The following MRPS28 variants were observed in gnomAD, a reference collection of about 807,000 sequenced individuals.
MRPS28 encodes small ribosomal subunit protein bS1m.
Under a neutral mutation model 10.8 loss-of-function variants are expected in MRPS28, and 7 were observed. The observed-to-expected ratio is 0.65, with a 90% CI of 0.37 to 1.22. The LOEUF is 1.22. Among genes scored for constraint, MRPS28 ranks in the 50% most tolerant of loss-of-function variants. The pLI, the probability that MRPS28 is intolerant of heterozygous loss-of-function variation, is 0.02. For missense variants in MRPS28, 265 were observed against 232.9 expected, an observed-to-expected ratio of 1.14 and a Z score of -0.90; for synonymous variants, 121 against 93.3, an observed-to-expected ratio of 1.30 and a Z score of -1.71.
At chr8:79,998,526 T>C (rs540222871) in intron 2 of MRPS28, among the ~76,000 whole-genome samples, 8 of 152,338 alleles carry the variant, frequency 5.3e-5, no homozygotes, top group African/African-American at 1.9e-4. Context: ...GTCATGTCTT[T>C]CTAAAATTAG....
chr8:79,930,266 C>G (rs1806428077), intron 2 of MRPS28, among the ~76,000 whole-genome samples: 1 of 152,122 alleles, frequency 6.6e-6, no homozygotes, highest in Non-Finnish European at 1.5e-5. Context: ...AATCACTTCC[C>G]TAGGTAGGCA....
At chr8:79,964,199 G>A (rs927212157) in intron 2 of MRPS28, among the ~76,000 whole-genome samples, 2 of 152,046 alleles carry the variant, frequency 1.3e-5, no homozygotes, top group African/African-American at 4.8e-5. Context: ...ATCCAGGTCT[G>A]GAGTCTGAAG....
intron 2 of MRPS28, among the ~76,000 whole-genome samples, chr8:79,997,843 C>T (rs747486709): frequency 2.0e-5 from 3 of 151,932 alleles, no homozygotes; most frequent in South Asian, 4.1e-4. Context: ...TCACTTGACG[C>T]CAGGAGTTCA....
chr8:79,921,822 G>A (rs1400447398), intron 2 of MRPS28, among the ~76,000 whole-genome samples: 2 of 152,130 alleles, frequency 1.3e-5, no homozygotes. Flanking sequence ...ACACTATGTT[G>A]AAAAGGAGTG....
intron 2 of MRPS28, among the ~76,000 whole-genome samples, chr8:79,929,832 T>G (rs1806409938): frequency 6.6e-6 from 1 of 152,102 alleles, no homozygotes; most frequent in African/African-American, 2.4e-5. Context: ...TTAGATGACT[T>G]TCAAGATCCT....
intron 2 of MRPS28, among the ~76,000 whole-genome samples, chr8:79,954,495 C>G (rs1424415264): frequency 1.3e-5 from 2 of 152,064 alleles, no homozygotes; most frequent in Non-Finnish European, 2.9e-5. Context: ...AGAAAGATAC[C>G]CTGGGGCTTT....
intron 1 of MRPS28, among the ~76,000 whole-genome samples, chr8:80,025,830 A>G (rs1809481617): frequency 6.6e-6 from 1 of 152,234 alleles, no homozygotes; most frequent in South Asian, 2.1e-4. Context: ...ACCAGGATTT[A>G]AACCAAGATT....
At chr8:79,975,667 T>A (rs1313553973) in intron 2 of MRPS28, among the ~76,000 whole-genome samples, 1 of 152,070 alleles carries the variant, frequency 6.6e-6, no homozygotes, top group Non-Finnish European at 1.5e-5. Flanking sequence ...AAAGTGCAAA[T>A]TAAATCAATA....
intron 1 of MRPS28, among the ~76,000 whole-genome samples, chr8:80,007,679 C>T (rs1317475931): frequency 6.6e-6 from 1 of 152,098 alleles, no homozygotes; most frequent in African/African-American, 2.4e-5. Flanking sequence ...ACAATTGCTT[C>T]AAAGAGAATA....
At chr8:80,025,224 A>C (rs73691133) in intron 1 of MRPS28, among the ~76,000 whole-genome samples, 2,165 of 152,330 alleles carry the variant, frequency 0.014, 55 homozygotes, top group African/African-American at 0.049. Context: ...TTATGATAAA[A>C]ATCAAAAACT....
chr8:80,028,607 G>C, intron 1 of MRPS28: 2 of 136,378 alleles, frequency 1.5e-5, no homozygotes, highest in Non-Finnish European at 3.1e-5. Flanking sequence ...ATTATCTAGG[G>C]AGGCCAATGT....
intron 2 of MRPS28, among the ~76,000 whole-genome samples, chr8:79,946,067 G>A (rs56817328): frequency 0.046 from 6,974 of 152,150 alleles, 537 homozygotes; most frequent in African/African-American, 0.16. Context: ...GCTTATGCAA[G>A]GTCCTTAAGA....
intron 2 of MRPS28, among the ~76,000 whole-genome samples, chr8:79,971,071 A>C (rs1201483776): frequency 6.6e-6 from 1 of 152,250 alleles, no homozygotes; most frequent in Admixed American, 6.5e-5. Context: ...CTACCAAATC[A>C]GCATGCCAGC....
chr8:80,003,029 C>A lies in MRPS28; in HGVS notation c.365G>T (p.Cys122Phe), dbSNP rs781299405. 6.2e-7 allele frequency: 1 copy of A among 1,603,278 alleles called. No individual in the cohort carries two copies. Among genetic ancestry groups the A allele is most frequent in the East Asian group, 2.2e-5 (1 of 44,720 alleles). The change falls in exon 2 of 3, where the codon TGT (cysteine) becomes TTT (phenylalanine). Residue 122 changes from cysteine to phenylalanine, a missense_variant. Coordinates refer to ENST00000276585, the MANE Select transcript of MRPS28 (RefSeq NM_014018.3). Reference protein sequence around the residue: ...LYIDFGGKFHCVCRRPEVDGE... With the variant: ...LYIDFGGKFHFVCRRPEVDGE... ...ATCCACTTCTGGTCTTCTACATACACAATGAAACTTTCCACCAAAATCTAT... is the reference window on the plus strand; with the variant it reads ...ATCCACTTCTGGTCTTCTACATACAAAATGAAACTTTCCACCAAAATCTAT...
intron 1 of MRPS28, among the ~76,000 whole-genome samples, chr8:80,007,277 T>C (rs1808879139): frequency 6.6e-6 from 1 of 152,128 alleles, no homozygotes; most frequent in African/African-American, 2.4e-5. Context: ...TATCTCAAAA[T>C]AATAAGAGCT....
intron 2 of MRPS28, among the ~76,000 whole-genome samples, chr8:80,000,760 C>G (rs906943398): frequency 2.0e-5 from 3 of 152,100 alleles, no homozygotes; most frequent in African/African-American, 7.2e-5. Context: ...CATGGTGGTA[C>G]ATGTCTGTAA....
intron 2 of MRPS28, among the ~76,000 whole-genome samples, chr8:79,998,888 G>A (rs1369271282): frequency 6.6e-6 from 1 of 152,084 alleles, no homozygotes; most frequent in African/African-American, 2.4e-5. Context: ...AGTCTGAAAT[G>A]CCAAACTTAC....
chr8:79,982,278 G>A (rs1050373437), intron 2 of MRPS28, among the ~76,000 whole-genome samples: 6 of 152,182 alleles, frequency 3.9e-5, no homozygotes, highest in African/African-American at 1.2e-4. Flanking sequence ...GAAAGAGATG[G>A]TGGAGCCAAG....
At chr8:79,919,350 GAAA>G (rs11350200) in intron 2 of MRPS28, among the ~76,000 whole-genome samples, 6 of 142,708 alleles carry the variant, frequency 4.2e-5, no homozygotes, top group Non-Finnish European at 7.6e-5. Context: ...TTTTTGTTTT[GAAA>G]AAAAAAAAAA....
Sources: gnomAD v4.1 joint callset for allele counts (sites outside exome capture counted in the v4.1 genomes callset) on GRCh38, gnomAD v4.1.1 for gene constraint, MANE v1.5 for transcripts, NCBI Gene and HGNC (gene_info 2026-07-23, HGNC 2026-07-21) for gene names.